The following C1orf185 variants were observed in gnomAD, a reference collection of about 807,000 sequenced individuals.
C1orf185 encodes uncharacterized protein C1orf185.
Under a neutral mutation model 16.1 loss-of-function variants are expected in C1orf185, and 13 were observed. The observed-to-expected ratio is 0.81, with a 90% CI of 0.53 to 1.28. C1orf185 has a LOEUF of 1.28. C1orf185 is among the 50% of genes most tolerant of loss of function. The probability of loss-of-function intolerance (pLI) is 0.00; values close to 1 mark genes in which losing one functional copy is unlikely to be tolerated. For synonymous variants in C1orf185, 80 were observed against 76.9 expected, an observed-to-expected ratio of 1.04 and a Z score of -0.21; for missense variants, 220 against 225.2, an observed-to-expected ratio of 0.98 and a Z score of 0.15.
chr1:51,122,197 T>G (rs1176160162), intron 3 of C1orf185, among the ~76,000 whole-genome samples: 1 of 152,208 alleles, frequency 6.6e-6, no homozygotes, highest in East Asian at 1.9e-4. Context: ...CAGCTGTTTC[T>G]CTATGAAATC....
At chr1:51,103,410 A>AACACACACAC (rs367808687) in intron 1 of C1orf185, among the ~76,000 whole-genome samples, 45,279 of 128,508 alleles carry the variant, frequency 0.35, 8,313 homozygotes, top group South Asian at 0.46. Flanking sequence ...TGTCTCGAAA[A>AACACACACAC]ACACACACAC....
At chr1:51,110,973 A>T (rs887916411) in intron 1 of C1orf185, among the ~76,000 whole-genome samples, 7 of 152,110 alleles carry the variant, frequency 4.6e-5, no homozygotes, top group Non-Finnish European at 7.4e-5. Flanking sequence ...AAACAAAAAC[A>T]AAAACAAAAA....
At position 51,112,460 on chromosome 1, in the gene C1orf185, A is replaced by C; in HGVS notation, c.17-4A>C. On this transcript the variant is annotated splice_polypyrimidine_tract_variant and splice_region_variant and intron_variant, in intron 1 of 4. Transcript: ENST00000371759. ...AAATAATCTTTTGTAATTTGTTTGT[A>C]TAGGTTTTTTTAATTACTTGACCTA... 6.5e-7 allele frequency: 1 copy of C among 1,532,516 alleles called. No individual in the cohort carries two copies. Among genetic ancestry groups the C allele is most frequent in the Non-Finnish European group, 8.8e-7 (1 of 1,139,380 alleles). 94.9% of individuals were successfully genotyped at this position (1,532,516 alleles called of 1,614,324 possible).
chr1:51,136,749 TAACTC>T (rs1646328293), intron 3 of C1orf185, among the ~76,000 whole-genome samples: 1 of 152,014 alleles, frequency 6.6e-6, no homozygotes, highest in Non-Finnish European at 1.5e-5. Flanking sequence ...GTACAAAAAT[TAACTC>T]AAGACGGATT....
chr1:51,116,655 C>T (rs972672530), intron 2 of C1orf185, among the ~76,000 whole-genome samples: 1 of 152,082 alleles, frequency 6.6e-6, no homozygotes, highest in African/African-American at 2.4e-5. Flanking sequence ...TTTTAAAGGA[C>T]TTTTCATTGC....
In C1orf185 at chr1:51,147,960, T is replaced by G; in HGVS notation, c.*189T>G. On this transcript the variant is annotated 3_prime_UTR_variant, in exon 5 of 5. Coordinates refer to ENST00000371759, the MANE Select transcript of C1orf185 (RefSeq NM_001136508.2). ...GTTCTTTACCATAGAGCGGCTCTAC[T>G]TCCCTTGCTGGTTCTTATTTCTAGA... is the stretch of plus-strand genomic sequence containing the variant. 1 of 485,704 alleles carries G rather than the reference T, an allele frequency of 2.1e-6. No homozygotes were observed. The highest frequency in any genetic ancestry group is 3.5e-6 in the Non-Finnish European group (1 of 284,900). The allele number at this position is 485,704 out of a possible 1,614,324, so 30.1% of individuals were successfully genotyped here. A position where few individuals can be genotyped will look rare whatever the true frequency, so the allele number is the denominator to read the frequency against.
chr1:51,117,065 T>C (rs1003607841), intron 2 of C1orf185, among the ~76,000 whole-genome samples: 4 of 152,184 alleles, frequency 2.6e-5, no homozygotes, highest in African/African-American at 9.7e-5. Context: ...TCTTTTCTAG[T>C]ATTTAAGCTC....
rs143016320 is a variant in C1orf185 at position 51,134,672 on chromosome 1, T to A, written c.259-11052T>A. 3.6e-3 allele frequency among the ~76,000 whole-genome samples: 546 copies of A among 152,266 alleles called. 1 individual carries two copies. The highest frequency in any genetic ancestry group is 4.4e-3 in the Non-Finnish European group (300 of 68,012). ...CAATCAGAAATGACAAGGGGGATAT[T>A]ACCAGTGACCCATAGAAATACAAAT... On this transcript the variant is annotated intron_variant, in intron 3 of 4. Coordinates refer to ENST00000371759, the MANE Select transcript of C1orf185 (RefSeq NM_001136508.2).
chr1:51,112,979 C>T (rs1646132294), intron 2 of C1orf185, among the ~76,000 whole-genome samples: 1 of 151,870 alleles, frequency 6.6e-6, no homozygotes, highest in African/African-American at 2.4e-5. Flanking sequence ...ACCACGACAC[C>T]CGCCTGTTTT....
intron 1 of C1orf185, among the ~76,000 whole-genome samples, chr1:51,109,131 A>T (rs1482645187): frequency 3.3e-5 from 5 of 152,118 alleles, no homozygotes; most frequent in Non-Finnish European, 2.9e-5. Context: ...AGGGTAAGAT[A>T]ATATCTCATT....
chr1:51,111,533 C>T (rs550185598), intron 1 of C1orf185, among the ~76,000 whole-genome samples: 15 of 151,754 alleles, frequency 9.9e-5, no homozygotes, highest in African/African-American at 3.6e-4. Context: ...GCCATCACAC[C>T]TGGTTAATTT....
intron 2 of C1orf185, among the ~76,000 whole-genome samples, chr1:51,115,918 A>G (rs1449329337): frequency 6.6e-6 from 1 of 152,272 alleles, no homozygotes; most frequent in Non-Finnish European, 1.5e-5. Flanking sequence ...GGCAGAGTTA[A>G]TGCTGATGCA....
At chr1:51,142,751 T>C (rs923669486) in intron 3 of C1orf185, among the ~76,000 whole-genome samples, 2 of 152,134 alleles carry the variant, frequency 1.3e-5, no homozygotes, top group Non-Finnish European at 2.9e-5. Context: ...TCTTGTTCAC[T>C]CCTGCTATTA....
At chr1:51,150,083 C>T (rs1010158577), downstream of C1orf185, among the ~76,000 whole-genome samples, 2 of 151,976 alleles carry the variant, frequency 1.3e-5, no homozygotes, top group African/African-American at 4.8e-5. Flanking sequence ...TCTATTCCTA[C>T]AATCAAAGCA....
chr1:51,131,768 G>A (rs891033596), intron 3 of C1orf185, among the ~76,000 whole-genome samples: 4 of 152,146 alleles, frequency 2.6e-5, no homozygotes, highest in African/African-American at 9.7e-5. Flanking sequence ...ATGGATTGCT[G>A]GCCAGTAGAA....
chr1:51,124,586 A>C (rs762743582), intron 3 of C1orf185, among the ~76,000 whole-genome samples: 4 of 152,206 alleles, frequency 2.6e-5, no homozygotes, highest in Non-Finnish European at 5.9e-5. Context: ...GGCTCTTATC[A>C]ACTGTGATTA....
chr1:51,107,633 A>T (rs988413730), intron 1 of C1orf185, among the ~76,000 whole-genome samples: 19 of 152,058 alleles, frequency 1.2e-4, no homozygotes, highest in Admixed American at 3.9e-4. Context: ...TAGTTTATTG[A>T]TAAGTCATAA....
chr1:51,128,460 G>A (rs1646258731), intron 3 of C1orf185, among the ~76,000 whole-genome samples: 1 of 152,040 alleles, frequency 6.6e-6, no homozygotes, highest in African/African-American at 2.4e-5. Context: ...GGGAGGCCAA[G>A]GTGGGCAGAT....
chr1:51,133,366 C>T (rs113487566), intron 3 of C1orf185, among the ~76,000 whole-genome samples: 2,486 of 152,156 alleles, frequency 0.016, 42 homozygotes, highest in Non-Finnish European at 0.02. Context: ...GAAAAATCTA[C>T]CAAGCAAATG....
Sources: allele counts gnomAD v4.1 joint callset (sites outside exome capture counted in the v4.1 genomes callset), GRCh38; gene constraint gnomAD v4.1.1; transcripts MANE v1.5; gene names NCBI Gene and HGNC (gene_info 2026-07-23, HGNC 2026-07-21).